CCDC178: variants seen among roughly 807,000 people sequenced by gnomAD.
CCDC178 encodes the protein coiled-coil domain-containing protein 178.
In CCDC178, 126 loss-of-function variants were observed where a neutral mutation model predicts 117.4. The ratio of observed to expected loss-of-function variants is 1.07; its 90% CI spans 0.93 to 1.24. The LOEUF (loss-of-function observed/expected upper bound fraction) is 1.24. Among genes scored for constraint, CCDC178 ranks in the 50% most tolerant of loss-of-function variants. The probability of loss-of-function intolerance (pLI) is 0.00; values close to 1 mark genes in which losing one functional copy is unlikely to be tolerated. For missense variants in CCDC178, 1,030 were observed against 986.9 expected, an observed-to-expected ratio of 1.04 and a Z score of -0.59; for synonymous variants, 283 against 313.4, an observed-to-expected ratio of 0.90 and a Z score of 1.02.
At chr18:33,226,690 C>T in intron 16 of CCDC178, 103 bp downstream of exon 16, 1 of 698,338 alleles carries the variant, frequency 1.4e-6, no homozygotes. Context: ...TGCTGGCTTG[C>T]AAACCAAGTA....
intron 3 of CCDC178, among the ~76,000 whole-genome samples, chr18:33,408,308 G>A (rs749933566): frequency 0.016 from 2,389 of 151,976 alleles, 32 homozygotes; most frequent in Middle Eastern, 0.024. Context: ...AGGAAGATGT[G>A]TGCACATTTT....
At chr18:33,072,712 C>T (rs2057130430) in intron 21 of CCDC178, among the ~76,000 whole-genome samples, 2 of 151,972 alleles carry the variant, frequency 1.3e-5, no homozygotes, top group Admixed American at 1.3e-4. Flanking sequence ...AGAGTTTTGC[C>T]AATTCTTTCT....
chr18:33,077,185 G>A (rs1298264931), intron 21 of CCDC178, among the ~76,000 whole-genome samples: 1 of 152,194 alleles, frequency 6.6e-6, no homozygotes, highest in Non-Finnish European at 1.5e-5. Flanking sequence ...TATGGATAAT[G>A]AGTTGGGCAT....
chr18:32,978,510 T>C (rs2055073892), intron 21 of CCDC178, among the ~76,000 whole-genome samples: 1 of 152,194 alleles, frequency 6.6e-6, no homozygotes, highest in Non-Finnish European at 1.5e-5. Flanking sequence ...CAGTGATCAC[T>C]TGATAAATGT....
chr18:33,096,321 T>A (rs951760374), intron 20 of CCDC178, among the ~76,000 whole-genome samples: 2 of 99,734 alleles, frequency 2.0e-5, no homozygotes. Flanking sequence ...TTTTATATTT[T>A]ATATAAAAAT....
At chr18:33,087,057 C>T (rs1013539025) in intron 21 of CCDC178, among the ~76,000 whole-genome samples, 11 of 150,084 alleles carry the variant, frequency 7.3e-5, no homozygotes, top group African/African-American at 9.9e-5. Context: ...CACACACACA[C>T]GAAAATTTTA....
chr18:33,302,096 A>G (rs1404760853), intron 11 of CCDC178, among the ~76,000 whole-genome samples: 1 of 151,988 alleles, frequency 6.6e-6, no homozygotes, highest in Non-Finnish European at 1.5e-5. Flanking sequence ...TTCTCACAAG[A>G]TCTGGTTGTT....
chr18:33,215,737 A>G, intron 18 of CCDC178, 42 bp from the exon 19 acceptor site: 1 of 1,363,686 alleles, frequency 7.3e-7, no homozygotes, highest in East Asian at 2.7e-5. Flanking sequence ...AAATACTTGG[A>G]TTTTCAAATC....
At chr18:32,998,195 G>A (rs1287525045) in intron 21 of CCDC178, among the ~76,000 whole-genome samples, 1 of 152,194 alleles carries the variant, frequency 6.6e-6, no homozygotes, top group Non-Finnish European at 1.5e-5. Flanking sequence ...GTGGGACTTT[G>A]CGTTGGAAGT....
intron 12 of CCDC178, among the ~76,000 whole-genome samples, chr18:33,270,033 T>C (rs2144780218): frequency 6.6e-6 from 1 of 151,854 alleles, no homozygotes; most frequent in East Asian, 1.9e-4. Flanking sequence ...TAAAGTGATA[T>C]AAATTATTTT....
rs71159828 is a variant in CCDC178, at chr18:33,388,519, A to ATTTTTTTTTTTTTTTT, written c.208+1005_208+1020dup. ...AAATGTGGTACATATACACCACGGA[A>ATTTTTTTTTTTTTTTT]TTTTTTTTTTTTTTTTTTGAGACGG... On this transcript the variant is annotated intron_variant, in intron 5 of 22. Transcript: ENST00000383096. 8.4e-3 allele frequency among the ~76,000 whole-genome samples: 547 copies of ATTTTTTTTTTTTTTTT among 65,248 alleles called. 160 individuals are homozygous for ATTTTTTTTTTTTTTTT. Among genetic ancestry groups the ATTTTTTTTTTTTTTTT allele is most frequent in the African/African-American group, 0.032 (510 of 15,842 alleles). 42.8% of individuals were successfully genotyped at this position (65,248 alleles called of 152,430 possible).
At chr18:33,425,813 A>G (rs1224607166) in intron 2 of CCDC178, among the ~76,000 whole-genome samples, 2 of 152,166 alleles carry the variant, frequency 1.3e-5, no homozygotes, top group Non-Finnish European at 2.9e-5. Flanking sequence ...CTAAGTTGAC[A>G]TTTCTAGAGG....
chr18:33,073,504 C>CATCT (rs11468119), intron 21 of CCDC178, among the ~76,000 whole-genome samples: 3,356 of 142,082 alleles, frequency 0.024, 44 homozygotes, highest in South Asian at 0.042. Flanking sequence ...CTATAGTCAG[C>CATCT]ATCTATCTAT....
intron 20 of CCDC178, among the ~76,000 whole-genome samples, chr18:33,174,119 T>TG (rs1272826122): frequency 6.6e-6 from 1 of 151,746 alleles, no homozygotes; most frequent in African/African-American, 2.4e-5. Context: ...CCAATCATGG[T>TG]GGAAGGCAAA....
intron 21 of CCDC178, among the ~76,000 whole-genome samples, chr18:33,076,103 C>A (rs1349359831): frequency 6.6e-6 from 1 of 152,176 alleles, no homozygotes; most frequent in East Asian, 1.9e-4. Flanking sequence ...CTTCTTTATT[C>A]TTGAAATTTA....
At chr18:33,125,384 TATA>T (rs1177868237) in intron 20 of CCDC178, among the ~76,000 whole-genome samples, 1 of 152,116 alleles carries the variant, frequency 6.6e-6, no homozygotes, top group East Asian at 1.9e-4. Context: ...AGAAGAAGAG[TATA>T]ATCATCACTT....
chr18:33,035,493 C>T (rs557711107), intron 21 of CCDC178, among the ~76,000 whole-genome samples: 2 of 152,004 alleles, frequency 1.3e-5, no homozygotes, highest in East Asian at 3.9e-4. Context: ...AAACATTATG[C>T]TAAGTGAAAT....
intron 10 of CCDC178, among the ~76,000 whole-genome samples, chr18:33,324,359 C>T (rs1252448972): frequency 6.6e-6 from 1 of 151,864 alleles, no homozygotes; most frequent in African/African-American, 2.4e-5. Context: ...GATGAAGAAC[C>T]ATGTAAGGAA....
intron 20 of CCDC178, among the ~76,000 whole-genome samples, chr18:33,204,939 A>G (rs2059031566): frequency 6.6e-6 from 1 of 152,098 alleles, no homozygotes; most frequent in Non-Finnish European, 1.5e-5. Context: ...AATTATGACC[A>G]GGAAACAAGG....
Sources: gnomAD v4.1 joint callset for allele counts (sites outside exome capture counted in the v4.1 genomes callset) on GRCh38, gnomAD v4.1.1 for gene constraint, MANE v1.5 for transcripts, NCBI Gene and HGNC (gene_info 2026-07-23, HGNC 2026-07-21) for gene names.